The following CENPS variants were observed in gnomAD, a reference collection of about 807,000 sequenced individuals.
The protein encoded by CENPS is FANCM associated histone fold protein 1.
In CENPS, 16 loss-of-function variants were observed where a neutral mutation model predicts 17.9. That is an observed-to-expected ratio of 0.90 (90% CI 0.61 to 1.36). The LOEUF (loss-of-function observed/expected upper bound fraction) is 1.36. CENPS is among the 40% of genes most tolerant of loss of function. The probability of loss-of-function intolerance (pLI) is 0.00; values close to 1 mark genes in which losing one functional copy is unlikely to be tolerated. For synonymous variants in CENPS, 49 were observed against 55.8 expected (o/e 0.88, Z 0.54); for missense variants, 160 against 158.6 (o/e 1.01, Z -0.05).
rs748402018 is a variant in CENPS, at chr1:10,442,257, T to C, written c.277-8T>C. 6.3e-7 allele frequency: 1 copy of C among 1,580,772 alleles called. No individual in the cohort carries two copies. The highest frequency in any genetic ancestry group is 8.5e-7 in the Non-Finnish European group (1 of 1,171,280). ...AGCCAGATATAAATACAGATTTTTTTTTTATAGCTAAAATACATCACAGAC... is the reference window on the plus strand; with the variant it reads ...AGCCAGATATAAATACAGATTTTTTCTTTATAGCTAAAATACATCACAGAC... On this transcript the variant is annotated splice_region_variant and splice_polypyrimidine_tract_variant and intron_variant, in intron 4 of 4. Coordinates refer to ENST00000309048, the MANE Select transcript of CENPS (RefSeq NM_199294.3).
Position 10,431,104 on chromosome 1 carries a change from A to G in CENPS, c.51+536A>G, listed in dbSNP as rs7555152. 15,700 of 1,404,832 alleles carry G rather than the reference A, an allele frequency of 0.011. 1,261 individuals carry two copies. In the African/African-American group the frequency reaches 0.19, roughly 17 times the overall value. 87.0% of individuals were successfully genotyped at this position (1,404,832 alleles called of 1,614,324 possible). On this transcript the variant is annotated intron_variant, in intron 1 of 4. Coordinates refer to ENST00000309048, the MANE Select transcript of CENPS (RefSeq NM_199294.3). ...ATCGTATCGACTCGGCCCAGACGCAATTTTCTTCTCTGCAAAATCGTCATA... is the reference window on the plus strand; with the variant it reads ...ATCGTATCGACTCGGCCCAGACGCAGTTTTCTTCTCTGCAAAATCGTCATA...
At chr1:10,437,390 T>G (rs1640210890) in intron 3 of CENPS, among the ~76,000 whole-genome samples, 1 of 126,786 alleles carries the variant, frequency 7.9e-6, no homozygotes, top group African/African-American at 2.8e-5. Flanking sequence ...TAGATTCTTA[T>G]TTCTTATTTC....
chr1:10,437,474 T>TC (rs1640218652), intron 3 of CENPS, among the ~76,000 whole-genome samples: 1 of 145,768 alleles, frequency 6.9e-6, no homozygotes, highest in African/African-American at 2.5e-5. Flanking sequence ...TTTTTTGTTT[T>TC]TAGATGGAGT....
chr1:10,430,982 C>G (rs1198223012), intron 1 of CENPS: 25 of 1,267,408 alleles, frequency 2.0e-5, no homozygotes, highest in Non-Finnish European at 2.3e-5. Context: ...CTGGAGGCGT[C>G]GACCCCTCGT....
At chr1:10,435,716 T>TATAC (rs749689870) in intron 3 of CENPS, among the ~76,000 whole-genome samples, 24 of 142,666 alleles carry the variant, frequency 1.7e-4, no homozygotes, top group African/African-American at 6.3e-4. Context: ...TATATATATA[T>TATAC]ACACACACAC....
intron 3 of CENPS, among the ~76,000 whole-genome samples, chr1:10,435,708 T>TACACACACACACACACACAC (rs1334818968): frequency 2.1e-5 from 3 of 143,782 alleles, no homozygotes; most frequent in Admixed American, 7.1e-5. Context: ...AAATAATATA[T>TACACACACACACACACACAC]ATATATATAC....
intron 3 of CENPS, among the ~76,000 whole-genome samples, chr1:10,436,216 G>A (rs902068883): frequency 2.7e-5 from 4 of 150,512 alleles, no homozygotes; most frequent in African/African-American, 9.8e-5. Context: ...GACCTCAAGT[G>A]ATTTGCCTGC....
intron 2 of CENPS, 121 bp downstream of exon 2, chr1:10,434,086 T>C: frequency 6.6e-7 from 1 of 1,514,784 alleles, no homozygotes; most frequent in African/African-American, 1.4e-5. Context: ...ATTATCATCC[T>C]CATGCGTTCT....
In CENPS at chr1:10,430,581, G is replaced by C. The variant is rs768705279; in HGVS notation, c.51+13G>C. 4.6e-6 allele frequency: 7 copies of C among 1,533,616 alleles called. No homozygotes were observed. Among genetic ancestry groups the C allele is most frequent in the African/African-American group, 4.3e-5 (3 of 69,964 alleles). ...CTCTTACCAACAGGTACAGGAAAAC[G>C]GGGGTCGGGCTGGGCTGGGGCAGGA... On this transcript the variant is annotated intron_variant, in intron 1 of 4. Coordinates refer to ENST00000309048, the MANE Select transcript of CENPS (RefSeq NM_199294.3).
intron 3 of CENPS, among the ~76,000 whole-genome samples, chr1:10,439,666 G>A (rs952175931): frequency 3.9e-5 from 6 of 152,118 alleles, no homozygotes; most frequent in Admixed American, 6.5e-5. Flanking sequence ...GCTTTAACCC[G>A]GGAGGCGGAG....
intron 1 of CENPS, among the ~76,000 whole-genome samples, chr1:10,432,785 C>G (rs1454686050): frequency 6.6e-6 from 1 of 152,168 alleles, no homozygotes; most frequent in Non-Finnish European, 1.5e-5. Context: ...GTCCCAGCTA[C>G]TCAAGAGGCT....
Position 10,434,631 on chromosome 1 carries a change from G to A in CENPS, c.176-26G>A, listed in dbSNP as rs770257079. 1.2e-5 allele frequency: 20 copies of A among 1,602,626 alleles called. No individual in the cohort carries two copies. The East Asian group carries it at 4.5e-4, about 36-fold the overall frequency. The stretch of plus-strand genomic sequence containing the variant: ...GAAATTAGATGGGAGGGTGCCTAAA[G>A]TGTGTATCTTTTTTTTCTCTTTCAG... On this transcript the variant is annotated intron_variant, in intron 2 of 4. Transcript: ENST00000309048.
chr1:10,430,887 G>T, intron 1 of CENPS: 1 of 1,287,160 alleles, frequency 7.8e-7, no homozygotes, highest in Non-Finnish European at 9.8e-7. Context: ...TGGGGTTTTC[G>T]TGAGGGTACA....
chr1:10,439,046 C>T (rs1368613047), intron 3 of CENPS, among the ~76,000 whole-genome samples: 3 of 152,120 alleles, frequency 2.0e-5, no homozygotes, highest in Admixed American at 6.6e-5. Flanking sequence ...AGAAAATTAT[C>T]TCTTGAAGTG....
intron 3 of CENPS, chr1:10,440,065 C>T (rs11809421): frequency 0.03 from 13,167 of 433,054 alleles, 1,480 homozygotes; most frequent in African/African-American, 0.24. Flanking sequence ...TTTGGAAGGG[C>T]GCTAAGCCCC....
chr1:10,440,727 A>C (rs1640370544), intron 4 of CENPS, among the ~76,000 whole-genome samples: 1 of 152,218 alleles, frequency 6.6e-6, no homozygotes, highest in South Asian at 2.1e-4. Flanking sequence ...ATCTGCAGGG[A>C]TAGTTTTGTT....
At chr1:10,430,687 G>T (rs1185737826) in intron 1 of CENPS, 119 bp downstream of exon 1, 3 of 1,416,094 alleles carry the variant, frequency 2.1e-6, no homozygotes, top group Middle Eastern at 2.6e-4. Flanking sequence ...GGCGCCCCCC[G>T]CGGCTGCGCA....
At chr1:10,435,304 C>A (rs746725360) in intron 3 of CENPS, among the ~76,000 whole-genome samples, 1 of 152,118 alleles carries the variant, frequency 6.6e-6, no homozygotes, top group Admixed American at 6.6e-5. Flanking sequence ...ATTTGAATGA[C>A]GAAGGCCTGA....
chr1:10,441,607 C>CCTGACCT (rs1640414821), intron 4 of CENPS, among the ~76,000 whole-genome samples: 1 of 146,066 alleles, frequency 6.8e-6, no homozygotes. Context: ...AGCCACCGCA[C>CCTGACCT]CTGGCTACAA....
Sources: allele counts gnomAD v4.1 joint callset (sites outside exome capture counted in the v4.1 genomes callset), GRCh38; gene constraint gnomAD v4.1.1; transcripts MANE v1.5; gene names NCBI Gene and HGNC (gene_info 2026-07-23, HGNC 2026-07-21).